The following MRPS35 variants were observed in gnomAD, a reference collection of about 807,000 sequenced individuals.
The protein encoded by MRPS35 is mitochondrial ribosomal protein S35, also known as small ribosomal subunit protein mS35.
A neutral mutation model predicts 32.7 loss-of-function variants in MRPS35; 29 were observed. That is an observed-to-expected ratio of 0.89 (90% CI 0.66 to 1.21). The LOEUF (loss-of-function observed/expected upper bound fraction) is 1.21, where lower values mean the gene tolerates loss of function less well. Ranked by LOEUF, MRPS35 falls within the 50% of genes most tolerant of loss-of-function variation. The pLI is 0.00. For missense variants in MRPS35, 373 were observed against 383.8 expected (o/e 0.97, Z 0.23); for synonymous variants, 148 against 139.3 (o/e 1.06, Z -0.44).
At position 27,714,811 on chromosome 12, in the gene MRPS35, A is replaced by G. The variant is rs1167371658; in HGVS notation, c.144A>G (p.Pro48=). The G allele has an allele frequency of 6.2e-7, 1 of 1,610,858 alleles. No homozygotes were observed. The change falls in exon 2 of 8, where the codon CCA becomes CCG. Residue 48 remains proline (P), a synonymous_variant. Coordinates refer to ENST00000081029, the MANE Select transcript of MRPS35 (RefSeq NM_021821.4). ...PERTPGNERP[P]RRKALPPRTE... The stretch of plus-strand genomic sequence containing the variant: ...GAACACCCGGAAATGAAAGGCCACC[A>G]AGAAGAAAGGTAAAAAGTTCGTATA...
intron 5 of MRPS35, among the ~76,000 whole-genome samples, chr12:27,730,181 C>T (rs942590638): frequency 6.6e-6 from 1 of 152,072 alleles, no homozygotes; most frequent in Non-Finnish European, 1.5e-5. Flanking sequence ...TTCAGATTAT[C>T]TTAGTTTTTT....
At chr12:27,727,117 C>T (rs753823276) in intron 5 of MRPS35, among the ~76,000 whole-genome samples, 1 of 151,912 alleles carries the variant, frequency 6.6e-6, no homozygotes, top group African/African-American at 2.4e-5. Context: ...CCCGCCACCA[C>T]GCCTGGCTAA....
At position 27,724,168 on chromosome 12, in the gene MRPS35, ACGAG is replaced by A; in HGVS notation, c.505_508del (p.Arg169Ter). Reference sequence around the variant, plus strand: ...GACCATCTGTTCGGAACCCCAGAGCACGAGTAGTAGTCTTAAGAGTAAGAGTTTT... The same window carrying A: ...GACCATCTGTTCGGAACCCCAGAGCATAGTAGTCTTAAGAGTAAGAGTTTT... On this transcript the variant is annotated frameshift_variant, in exon 5 of 8. Coordinates refer to ENST00000081029, the MANE Select transcript of MRPS35 (RefSeq NM_021821.4). LOFTEE classifies it high-confidence loss of function. 1 of 1,592,152 alleles carries A rather than the reference ACGAG, an allele frequency of 6.3e-7. No individual in the cohort carries two copies. Among genetic ancestry groups the A allele is most frequent in the Non-Finnish European group, 8.5e-7 (1 of 1,172,752 alleles).
chr12:27,723,952 T>G (rs923293150), intron 4 of MRPS35, 95 bp from the exon 5 acceptor site: 15 of 1,203,312 alleles, frequency 1.2e-5, no homozygotes, highest in Non-Finnish European at 1.6e-5. Flanking sequence ...TGTAACTTGG[T>G]GATGCTCTCA....
intron 3 of MRPS35, among the ~76,000 whole-genome samples, chr12:27,716,913 C>T (rs916991111): frequency 1.3e-5 from 2 of 152,112 alleles, no homozygotes; most frequent in African/African-American, 2.4e-5. Context: ...ATTGCTTGAA[C>T]CCAGGAGGCG....
In MRPS35 at chr12:27,756,101, A is replaced by G. The variant is rs1591805732; in HGVS notation, c.*651A>G. On this transcript the variant is annotated 3_prime_UTR_variant, in exon 8 of 8. Transcript: ENST00000081029. ...TCTGGGTGCCCCAGTTAGAGCTGCC[A>G]CAGCTCAGGAAAAAGATGAGGCATA... 6.6e-6 allele frequency: 1 copy of G among 152,248 alleles called. No homozygotes were observed. The highest frequency in any genetic ancestry group is 1.5e-5 in the Non-Finnish European group (1 of 68,054). 9.4% of individuals were successfully genotyped at this position (152,248 alleles called of 1,614,324 possible).
chr12:27,748,070 T>C (rs2061987209), intron 7 of MRPS35, among the ~76,000 whole-genome samples: 1 of 152,182 alleles, frequency 6.6e-6, no homozygotes, highest in Admixed American at 6.5e-5. Context: ...TGGCATGTAG[T>C]GAGTGTTCCA....
rs1364040256 is a variant in MRPS35, at chr12:27,710,868, T to C, written c.25T>C (p.Trp9Arg). Residue 9 changes from tryptophan (W) to arginine (R), a missense_variant, in exon 1 of 8, where the codon TGG becomes CGG. Trp to Arg is a moderately radical substitution (Grantham distance 101). Coordinates refer to ENST00000081029, the MANE Select transcript of MRPS35 (RefSeq NM_021821.4). The stretch of plus-strand genomic sequence containing the variant: ...CATGGCGGCCGCCGCGCTCCCAGCA[T>C]GGCTGTCTCTGCAGTCGAGGGCAAG... Reference protein sequence around the residue: MAAAALPAWLSLQSRARTL... With the variant: MAAAALPARLSLQSRARTL... 7 of 1,610,276 alleles carry C rather than the reference T, an allele frequency of 4.3e-6. No individual in the cohort carries two copies. The highest frequency in any genetic ancestry group is 2.7e-5 in the African/African-American group (2 of 74,916).
intron 5 of MRPS35, among the ~76,000 whole-genome samples, chr12:27,734,411 T>C (rs531906076): frequency 6.6e-6 from 1 of 152,098 alleles, no homozygotes; most frequent in Admixed American, 6.5e-5. Flanking sequence ...CCTGGCTAAT[T>C]TTGTATTTTT....
chr12:27,723,945 A>G (rs1215534224), intron 4 of MRPS35, 102 bp from the exon 5 acceptor site: 3 of 1,128,556 alleles, frequency 2.7e-6, no homozygotes, highest in South Asian at 1.6e-5. Flanking sequence ...TCTTTCATGT[A>G]ACTTGGTGAT....
intron 5 of MRPS35, among the ~76,000 whole-genome samples, 167 bp from the exon 6 acceptor site, chr12:27,735,280 T>G (rs2061938736): frequency 6.6e-6 from 1 of 152,178 alleles, no homozygotes; most frequent in Admixed American, 6.5e-5. Flanking sequence ...TTTCCATGAG[T>G]AAGATCAGGG....
intron 5 of MRPS35, among the ~76,000 whole-genome samples, chr12:27,729,312 T>A (rs1310151674): frequency 6.6e-6 from 1 of 152,102 alleles, no homozygotes; most frequent in Non-Finnish European, 1.5e-5. Context: ...ACAGTGGTGT[T>A]TACAGACCAT....
At chr12:27,711,102 T>A in intron 1 of MRPS35, 147 bp downstream of exon 1, 1 of 726,514 alleles carries the variant, frequency 1.4e-6, no homozygotes, top group Non-Finnish European at 2.3e-6. Context: ...AGGAAAACCA[T>A]GGACGTGGGT....
chr12:27,713,087 T>C (rs2061834849), intron 1 of MRPS35, among the ~76,000 whole-genome samples: 1 of 152,226 alleles, frequency 6.6e-6, no homozygotes, highest in Non-Finnish European at 1.5e-5. Flanking sequence ...GCCTCTTTTC[T>C]CTCTGTCTCT....
At chr12:27,739,943 C>T (rs1434076231) in intron 7 of MRPS35, among the ~76,000 whole-genome samples, 2 of 152,112 alleles carry the variant, frequency 1.3e-5, no homozygotes, top group African/African-American at 4.8e-5. Context: ...TACTTTGATG[C>T]CAGGATAAGT....
chr12:27,752,977 C>G (rs2062011588), intron 7 of MRPS35: 1 of 152,098 alleles, frequency 6.6e-6, no homozygotes. Flanking sequence ...CACTACTCGA[C>G]TAGCCTAAAA....
At chr12:27,751,851 G>C (rs913016977) in intron 7 of MRPS35, among the ~76,000 whole-genome samples, 3 of 152,228 alleles carry the variant, frequency 2.0e-5, no homozygotes, top group South Asian at 2.1e-4. Flanking sequence ...AAGTGGGGGT[G>C]TGCGCCTGCA....
intron 3 of MRPS35, among the ~76,000 whole-genome samples, chr12:27,717,108 C>T (rs2061854363): frequency 1.3e-5 from 2 of 152,074 alleles, no homozygotes; most frequent in Non-Finnish European, 2.9e-5. Flanking sequence ...TCTTGAACTC[C>T]TGGGCTCAAG....
chr12:27,728,785 T>C (rs2061910143), intron 5 of MRPS35, among the ~76,000 whole-genome samples: 1 of 152,158 alleles, frequency 6.6e-6, no homozygotes, highest in South Asian at 2.1e-4. Flanking sequence ...ATCTTCTGAA[T>C]TTGCCCCATT....
Sources: gnomAD v4.1 joint callset for allele counts (sites outside exome capture counted in the v4.1 genomes callset) on GRCh38, gnomAD v4.1.1 for gene constraint, MANE v1.5 for transcripts, NCBI Gene and HGNC (gene_info 2026-07-23, HGNC 2026-07-21) for gene names.